Variants in FAM227A observed in about 807,000 individuals in gnomAD.
FAM227A encodes the protein protein FAM227A.
FAM227A carries 80 observed loss-of-function variants against 74.7 expected under a neutral mutation model. The observed-to-expected ratio is 1.07, with a 90% CI of 0.89 to 1.29. The LOEUF is 1.29. FAM227A is among the 50% of genes most tolerant of loss of function. The pLI, the probability that FAM227A is intolerant of heterozygous loss-of-function variation, is 0.00. For missense variants in FAM227A, 654 were observed against 683.4 expected (o/e 0.96, Z 0.48); for synonymous variants, 237 against 241.8 (o/e 0.98, Z 0.19).
intron 1 of FAM227A, among the ~76,000 whole-genome samples, 186 bp from the exon 2 acceptor site, chr22:38,650,448 A>G (rs796066520): frequency 5.9e-5 from 9 of 152,244 alleles, no homozygotes; most frequent in African/African-American, 2.2e-4. Flanking sequence ...TGTTCTTCCA[A>G]TGTCTGATGC....
chr22:38,642,979 C>T (rs11912929), intron 3 of FAM227A, among the ~76,000 whole-genome samples: 11 of 151,464 alleles, frequency 7.3e-5, no homozygotes, highest in Non-Finnish European at 1.2e-4. Flanking sequence ...AAATATTAAA[C>T]GAAATCTTAA....
chr22:38,589,724 G>A lies in FAM227A; in HGVS notation c.1638+1711C>T, dbSNP rs550583546. Among the ~76,000 whole-genome samples the A allele has an allele frequency of 6.6e-5, 10 of 152,268 alleles. No individual in the cohort carries two copies. In the South Asian group the frequency reaches 2.1e-3, roughly 32 times the overall value. On this transcript the variant is annotated intron_variant, in intron 16 of 16. Transcript: ENST00000535113. ...AGCGTGAGACTTCTCAACAGTAAAA[G>A]CAGCAGGCAGGAAAAATTCTCCAAA... is the stretch of plus-strand genomic sequence containing the variant.
At chr22:38,638,367 C>T (rs561298050) in intron 5 of FAM227A, among the ~76,000 whole-genome samples, 1 of 152,286 alleles carries the variant, frequency 6.6e-6, no homozygotes, top group African/African-American at 2.4e-5. Flanking sequence ...CTTCCTGAGG[C>T]ATCCGCAGCA....
intron 11 of FAM227A, among the ~76,000 whole-genome samples, chr22:38,610,189 A>C (rs1233150076): frequency 3.9e-5 from 6 of 151,906 alleles, no homozygotes; most frequent in Non-Finnish European, 4.4e-5. Context: ...AATTTAAAAA[A>C]AAATTTTTTT....
Position 38,599,766 on chromosome 22 carries a change from G to A in FAM227A, c.1377C>T (p.Thr459=), listed in dbSNP as rs771854439. The A allele has an allele frequency of 3.2e-6, 5 of 1,550,824 alleles. No homozygotes were observed. The highest frequency in any genetic ancestry group is 4.4e-6 in the Non-Finnish European group (5 of 1,146,660). The part of the protein sequence containing the change: ...LIVRREKTTS[T]PDCTPTYTDV... ...CCTGCCCACAGTGACAAGGATATGGGGTGCTCGTGGTCTTTTCCCTTCTGA... is the reference window on the plus strand; with the variant it reads ...CCTGCCCACAGTGACAAGGATATGGAGTGCTCGTGGTCTTTTCCCTTCTGA... The change falls in exon 14 of 17, where the codon ACC becomes ACT. Residue 459 remains threonine (T), a splice_region_variant and synonymous_variant. Coordinates refer to ENST00000535113, the MANE Select transcript of FAM227A (RefSeq NM_001013647.2).
intron 13 of FAM227A, among the ~76,000 whole-genome samples, chr22:38,600,758 C>T (rs906965396): frequency 2.0e-5 from 3 of 151,860 alleles, no homozygotes; most frequent in Non-Finnish European, 4.4e-5. Flanking sequence ...TTGAGACCAT[C>T]CTAGCCAACA....
At chr22:38,615,654 G>C (rs933816440) in intron 11 of FAM227A, among the ~76,000 whole-genome samples, 2 of 152,116 alleles carry the variant, frequency 1.3e-5, no homozygotes, top group South Asian at 4.1e-4. Flanking sequence ...CACCTGCAGT[G>C]GGGGGGCCTG....
chr22:38,607,109 G>A (rs1417600219), intron 12 of FAM227A, among the ~76,000 whole-genome samples: 7 of 151,222 alleles, frequency 4.6e-5, no homozygotes, highest in African/African-American at 1.2e-4. Flanking sequence ...CCTGGGAGGC[G>A]GAGGCTGCAG....
rs547114572 is a variant in FAM227A, at chr22:38,642,871, G to A, written c.225+2692C>T. Among the ~76,000 whole-genome samples, 194 of 152,296 alleles carry A rather than the reference G, an allele frequency of 1.3e-3. 1 individual carries two copies. The highest frequency in any genetic ancestry group is 8.1e-3 in the Admixed American group (124 of 15,300). The stretch of plus-strand genomic sequence containing the variant: ...GAATCGTTTGAACCCAGGAGGTGGA[G>A]GTTGCAGTGAGTCCAGATTGCACCA... On this transcript the variant is annotated intron_variant, in intron 3 of 16. Transcript: ENST00000535113.
chr22:38,636,484 C>G lies in FAM227A; in HGVS notation c.486G>C (p.Val162=). The G allele has an allele frequency of 6.4e-7, 1 of 1,551,546 alleles. No homozygotes were observed. Among genetic ancestry groups the G allele is most frequent in the Non-Finnish European group, 8.7e-7 (1 of 1,146,908 alleles). Reference sequence around the variant, plus strand: ...TAAGGCAGTCTCTCTCAGCCCGGACCACGTTGCCCACCATGTCACAGAAGT... The same window carrying G: ...TAAGGCAGTCTCTCTCAGCCCGGACGACGTTGCCCACCATGTCACAGAAGT... The part of the protein sequence containing the change: ...GVDFCDMVGN[V]VRAERDCLSG... Residue 162 remains valine (V), a synonymous_variant, in exon 6 of 17, where the codon GTG becomes GTC. Transcript: ENST00000535113.
At chr22:38,599,734 T>C (rs2091130838) in intron 14 of FAM227A, 30 bp downstream of exon 14, 2 of 1,542,598 alleles carry the variant, frequency 1.3e-6, no homozygotes, top group East Asian at 4.9e-5. Flanking sequence ...CCTGGAGCAG[T>C]GCGCACCCTG....
intron 6 of FAM227A, among the ~76,000 whole-genome samples, chr22:38,632,276 T>C (rs1435667657): frequency 1.3e-5 from 2 of 152,118 alleles, no homozygotes; most frequent in Non-Finnish European, 2.9e-5. Context: ...TTCCCCAAAG[T>C]TCATGTACTA....
At chr22:38,646,711 T>G (rs1603076440) in intron 2 of FAM227A, among the ~76,000 whole-genome samples, 2 of 152,222 alleles carry the variant, frequency 1.3e-5, no homozygotes, top group Non-Finnish European at 2.9e-5. Context: ...CATTCATTAT[T>G]ATGAGCATTT....
At chr22:38,618,156 T>C (rs2091616448) in intron 11 of FAM227A, among the ~76,000 whole-genome samples, 1 of 152,198 alleles carries the variant, frequency 6.6e-6, no homozygotes, top group Non-Finnish European at 1.5e-5. Context: ...CCACTTTGCA[T>C]AGGAATTATT....
intron 5 of FAM227A, 87 bp from the exon 6 acceptor site, chr22:38,636,684 A>G: frequency 3.3e-6 from 4 of 1,210,512 alleles, no homozygotes; most frequent in Non-Finnish European, 4.6e-6. Context: ...TATTATGAAG[A>G]CAATATAACA....
At chr22:38,619,211 G>A (rs1051928723) in intron 11 of FAM227A, among the ~76,000 whole-genome samples, 2 of 152,194 alleles carry the variant, frequency 1.3e-5, no homozygotes, top group Non-Finnish European at 2.9e-5. Context: ...GTTGGAGAAG[G>A]GGTTGAGCCA....
At chr22:38,600,684 G>A (rs2091154705) in intron 13 of FAM227A, among the ~76,000 whole-genome samples, 1 of 152,016 alleles carries the variant, frequency 6.6e-6, no homozygotes, top group Admixed American at 6.6e-5. Flanking sequence ...AAAGCCAGGT[G>A]CGGTAGCTCA....
chr22:38,639,422 A>C (rs1474089565), intron 4 of FAM227A, among the ~76,000 whole-genome samples: 3 of 151,836 alleles, frequency 2.0e-5, no homozygotes, highest in East Asian at 1.9e-4. Flanking sequence ...AAAAAAAAAA[A>C]AAAACCAAGG....
chr22:38,618,703 T>C (rs2091626094), intron 11 of FAM227A, among the ~76,000 whole-genome samples: 1 of 152,174 alleles, frequency 6.6e-6, no homozygotes, highest in Admixed American at 6.5e-5. Flanking sequence ...TGAACTGAGA[T>C]GGAAGGATGA....
Sources: allele counts gnomAD v4.1 joint callset (sites outside exome capture counted in the v4.1 genomes callset), GRCh38; gene constraint gnomAD v4.1.1; transcripts MANE v1.5; gene names NCBI Gene and HGNC (gene_info 2026-07-23, HGNC 2026-07-21).